Variants in VAV1 observed in about 807,000 individuals in gnomAD.
VAV1 encodes the protein vav guanine nucleotide exchange factor 1.
Under a neutral mutation model 128.1 loss-of-function variants are expected in VAV1, and 33 were observed. That is an observed-to-expected ratio of 0.26 (90% CI 0.20 to 0.34). The LOEUF (loss-of-function observed/expected upper bound fraction) is 0.34. Ranked by LOEUF, VAV1 falls within the 10% of genes least tolerant of loss-of-function variation. VAV1 has a pLI of 1.00. For synonymous variants in VAV1, 394 were observed against 409.8 expected, an observed-to-expected ratio of 0.96 and a Z score of 0.47; for missense variants, 715 against 1,093.7, an observed-to-expected ratio of 0.65 and a Z score of 4.88.
intron 14 of VAV1, among the ~76,000 whole-genome samples, chr19:6,831,335 C>A (rs535577352): frequency 7.9e-5 from 12 of 151,994 alleles, no homozygotes; most frequent in Non-Finnish European, 5.9e-5. Context: ...TTTTTTGAGA[C>A]GGAGCCTCGC....
chr19:6,825,509 T>C, intron 8 of VAV1, 103 bp downstream of exon 8: 1 of 1,003,150 alleles, frequency 1.0e-6, no homozygotes, highest in Admixed American at 2.3e-5. Flanking sequence ...CGGGGAGGAC[T>C]TTTTGCTGTG....
intron 1 of VAV1, 129 bp downstream of exon 1, chr19:6,773,140 AG>A (rs1970540012): frequency 4.0e-6 from 5 of 1,258,572 alleles, no homozygotes; most frequent in Non-Finnish European, 5.6e-6. Context: ...TTACAGGTCC[AG>A]GGCTGGCCCA....
intron 19 of VAV1, among the ~76,000 whole-genome samples, chr19:6,834,705 A>G (rs1347732504): frequency 6.8e-6 from 1 of 146,106 alleles, no homozygotes; most frequent in African/African-American, 2.5e-5. Context: ...TTATATGTAT[A>G]TATAATATAT....
intron 1 of VAV1, among the ~76,000 whole-genome samples, chr19:6,789,069 T>C (rs660134): frequency 0.24 from 36,243 of 152,112 alleles, 4,803 homozygotes; most frequent in African/African-American, 0.36. Context: ...CTCCAGACAT[T>C]GCCAAATGTC....
intron 1 of VAV1, among the ~76,000 whole-genome samples, chr19:6,788,963 A>AT (rs2144709329): frequency 6.6e-6 from 1 of 152,346 alleles, no homozygotes; most frequent in East Asian, 1.9e-4. Context: ...GGGCCGGATC[A>AT]TTTTCTGTCC....
Position 6,850,744 on chromosome 19 carries a change from T to C in VAV1, c.2204T>C (p.Phe735Ser). The C allele has an allele frequency of 6.2e-7, 1 of 1,614,008 alleles. No individual in the cohort carries two copies. Among genetic ancestry groups the C allele is most frequent in the South Asian group, 1.1e-5 (1 of 91,040 alleles). The change falls in exon 24 of 27, where the codon TTC becomes TCC. Residue 735 changes from phenylalanine (F) to serine (S), a missense_variant. Around this residue, in one of 3 missense-constraint regions of VAV1, gnomAD observed 407 missense variants for 580.6 expected, o/e 0.70. Transcript: ENST00000602142. The stretch of plus-strand genomic sequence containing the variant: ...TACCGGATCACAGAGAAAAAGGCTT[T>C]CCGGGGGCTTACGGTAAGGGTCAAT... Reference protein sequence around the residue: ...GLYRITEKKAFRGLTELVEFY... With the variant: ...GLYRITEKKASRGLTELVEFY...
At chr19:6,774,219 C>T (rs149526373) in intron 1 of VAV1, among the ~76,000 whole-genome samples, 151 of 152,156 alleles carry the variant, frequency 9.9e-4, no homozygotes, top group African/African-American at 3.5e-3. Context: ...GCTCCGCCTC[C>T]CAGGTTCACG....
At chr19:6,839,707 T>A (rs1900775133) in intron 21 of VAV1, among the ~76,000 whole-genome samples, 1 of 152,228 alleles carries the variant, frequency 6.6e-6, no homozygotes, top group South Asian at 2.1e-4. Context: ...AACCTTTTTT[T>A]TGGAGACAGG....
chr19:6,832,072 G>A lies in VAV1; in HGVS notation c.1399-19G>A. 6.2e-7 allele frequency: 1 copy of A among 1,612,820 alleles called. No individual in the cohort carries two copies. The highest frequency in any genetic ancestry group is 1.1e-5 in the South Asian group (1 of 91,032). ...TCTGCGGGGGCAGTGCCTTCAGTCT[G>A]AGCTCTGCTTCCCTGCAGTGGAGCC... is the stretch of plus-strand genomic sequence containing the variant. On this transcript the variant is annotated intron_variant, in intron 14 of 26. Transcript: ENST00000602142.
In VAV1 at chr19:6,831,882, A is replaced by G. The variant is rs918826007; in HGVS notation, c.1399-209A>G. ...TGTGTGTGTGTGTGTGTGTGTGTGCATGTGCACGCCTGCGTATGTGGTTTT... is the reference window on the plus strand; with the variant it reads ...TGTGTGTGTGTGTGTGTGTGTGTGCGTGTGCACGCCTGCGTATGTGGTTTT... On this transcript the variant is annotated intron_variant, in intron 14 of 26. Transcript: ENST00000602142. Among the ~76,000 whole-genome samples the G allele has an allele frequency of 3.4e-5, 5 of 148,722 alleles. No homozygotes were observed. The South Asian group carries it at 6.4e-4, about 19-fold the overall frequency.
chr19:6,813,490 G>A (rs1971555585), intron 1 of VAV1, among the ~76,000 whole-genome samples: 2 of 152,268 alleles, frequency 1.3e-5, no homozygotes, highest in Admixed American at 1.3e-4. Context: ...ATGAATACTA[G>A]GAGCTATGGA....
Position 6,798,208 on chromosome 19 carries a change from C to T in VAV1, c.205-22494C>T, listed in dbSNP as rs554388536. Among the ~76,000 whole-genome samples, 8 of 152,052 alleles carry T rather than the reference C, an allele frequency of 5.3e-5. No individual in the cohort carries two copies. The South Asian group carries it at 1.5e-3, about 28-fold the overall frequency. ...AGGAGAATCGCTTGAACCTGGGAGG[C>T]GGAGGTTGCAGTGAGCGGAGATCGC... On this transcript the variant is annotated intron_variant, in intron 1 of 26. Transcript: ENST00000602142.
Position 6,848,014 on chromosome 19 carries a change from G to A in VAV1, c.2029G>A (p.Glu677Lys). The change falls in exon 23 of 27, where the codon GAG (glutamate) becomes AAG (lysine). Residue 677 changes from glutamate to lysine, a missense_variant. Coordinates refer to ENST00000602142, the MANE Select transcript of VAV1 (RefSeq NM_005428.4). ...TCTTTGCAGGTACGCAGGCCCCATG[G>A]AGCGGGCAGGGGCAGAGAGCATCCT... is the stretch of plus-strand genomic sequence containing the variant. ...SVHLWYAGPM[E>K]RAGAESILAN... The A allele has an allele frequency of 2.6e-6, 4 of 1,522,552 alleles. No individual in the cohort carries two copies. Among genetic ancestry groups the A allele is most frequent in the Non-Finnish European group, 2.6e-6 (3 of 1,142,830 alleles). The allele number at this position is 1,522,552 out of a possible 1,614,324, so 94.3% of individuals were successfully genotyped here.
intron 6 of VAV1, among the ~76,000 whole-genome samples, chr19:6,823,606 A>G (rs1971848610): frequency 6.6e-6 from 1 of 151,270 alleles, no homozygotes; most frequent in South Asian, 2.1e-4. Flanking sequence ...GTGAGGCTGC[A>G]CTGGGCCTCT....
intron 1 of VAV1, among the ~76,000 whole-genome samples, chr19:6,799,789 G>A (rs1222806250): frequency 6.1e-5 from 9 of 146,724 alleles, no homozygotes; most frequent in Non-Finnish European, 1.2e-4. Context: ...AGACTGCAGT[G>A]AGCTGTGATT....
chr19:6,812,128 G>A (rs1034262639), intron 1 of VAV1, among the ~76,000 whole-genome samples: 8 of 152,164 alleles, frequency 5.3e-5, no homozygotes, highest in African/African-American at 1.9e-4. Context: ...TCCTTAGCTG[G>A]GCAGCCATTT....
chr19:6,815,665 A>G (rs1971629578), intron 1 of VAV1, among the ~76,000 whole-genome samples: 1 of 152,186 alleles, frequency 6.6e-6, no homozygotes, highest in African/African-American at 2.4e-5. Flanking sequence ...CTATGGCATA[A>G]TGGTTACGCA....
rs1261830180 is a variant in VAV1, at chr19:6,808,005, A to AG, written c.205-12697_205-12696insG. ...ACTCTGTCTCAAAAAAAAAAAAAAA[A>AG]AAAGAAAAGAAAAAGTTAAAAAAAA... On this transcript the variant is annotated intron_variant, in intron 1 of 26. Coordinates refer to ENST00000602142, the MANE Select transcript of VAV1 (RefSeq NM_005428.4). 8.9e-3 allele frequency among the ~76,000 whole-genome samples: 1,337 copies of AG among 149,924 alleles called. 36 individuals are homozygous for AG. The highest frequency in any genetic ancestry group is 0.032 in the African/African-American group (1,283 of 40,332).
chr19:6,851,352 A>AT (rs1206310935), intron 24 of VAV1, among the ~76,000 whole-genome samples: 8 of 149,786 alleles, frequency 5.3e-5, no homozygotes, highest in South Asian at 2.1e-4. Context: ...TTAAAAAAAA[A>AT]TTTTTTTTTT....
Sources: gnomAD v4.1 joint callset for allele counts (sites outside exome capture counted in the v4.1 genomes callset) on GRCh38, gnomAD v4.1.1 for gene constraint, gnomAD v4.1.1 regional missense constraint, MANE v1.5 for transcripts, NCBI Gene and HGNC (gene_info 2026-07-23, HGNC 2026-07-21) for gene names.